Variants in AUTS2 observed in about 807,000 individuals in gnomAD.
AUTS2 encodes autism susceptibility gene 2 protein.
In AUTS2, 17 loss-of-function variants were observed where a neutral mutation model predicts 112.4. That is an observed-to-expected ratio of 0.15 (90% confidence interval 0.10 to 0.23). The LOEUF (loss-of-function observed/expected upper bound fraction) is 0.23, where lower values mean the gene tolerates loss of function less well. Ranked by LOEUF, AUTS2 falls within the 10% of genes least tolerant of loss-of-function variation. AUTS2 has a pLI of 1.00. For missense variants in AUTS2, 1,510 were observed against 1,701.6 expected, an observed-to-expected ratio of 0.89 and a Z score of 1.98; for synonymous variants, 751 against 702.7, an observed-to-expected ratio of 1.07 and a Z score of -1.09.
chr7:69,690,961 G>T (rs925499416), intron 1 of AUTS2, among the ~76,000 whole-genome samples: 2 of 151,620 alleles, frequency 1.3e-5, no homozygotes, highest in African/African-American at 2.4e-5. Flanking sequence ...TCCACAGCAG[G>T]TCATCCTGAC....
At chr7:70,785,059 C>T in intron 16 of AUTS2, 40 bp downstream of exon 16, 1 of 1,598,976 alleles carries the variant, frequency 6.3e-7, no homozygotes, top group Non-Finnish European at 8.6e-7. Context: ...ATGTGTGCTT[C>T]AGGCAACCCT....
chr7:70,462,670 AT>A (rs1220611597), intron 5 of AUTS2, among the ~76,000 whole-genome samples: 1 of 152,142 alleles, frequency 6.6e-6, no homozygotes, highest in African/African-American at 2.4e-5. Flanking sequence ...CTAAAAAAAA[AT>A]CTAGGCTGGG....
chr7:69,795,190 C>T (rs1038843293), intron 1 of AUTS2, among the ~76,000 whole-genome samples: 1 of 152,102 alleles, frequency 6.6e-6, no homozygotes, highest in African/African-American at 2.4e-5. Context: ...TTAATCATTG[C>T]AAGGAAAATG....
intron 1 of AUTS2, among the ~76,000 whole-genome samples, chr7:69,837,127 G>A (rs767587334): frequency 6.6e-6 from 1 of 152,068 alleles, no homozygotes; most frequent in South Asian, 2.1e-4. Context: ...ACTAAAGGGC[G>A]AGTCTTTGCC....
intron 2 of AUTS2, among the ~76,000 whole-genome samples, chr7:69,917,207 C>A (rs759391976): frequency 1.3e-5 from 2 of 151,638 alleles, no homozygotes; most frequent in Non-Finnish European, 2.9e-5. Flanking sequence ...TTCTTTCTTT[C>A]TTTAGAGATG....
chr7:70,627,771 A>C (rs1445840717), intron 5 of AUTS2, among the ~76,000 whole-genome samples: 1 of 152,370 alleles, frequency 6.6e-6, no homozygotes, highest in East Asian at 1.9e-4. Flanking sequence ...TTATTCATTT[A>C]CTAGATGTGC....
intron 5 of AUTS2, among the ~76,000 whole-genome samples, chr7:70,645,518 G>A (rs748603016): frequency 6.6e-6 from 1 of 152,000 alleles, no homozygotes; most frequent in Non-Finnish European, 1.5e-5. Flanking sequence ...TTCAGGAACC[G>A]TTTCACATTT....
At chr7:69,808,558 A>G (rs893167210) in intron 1 of AUTS2, among the ~76,000 whole-genome samples, 3 of 152,180 alleles carry the variant, frequency 2.0e-5, no homozygotes, top group Non-Finnish European at 2.9e-5. Flanking sequence ...ACTAAATCAT[A>G]TACTAGGTAA....
At chr7:70,207,926 G>A (rs993836739) in intron 4 of AUTS2, among the ~76,000 whole-genome samples, 4 of 146,766 alleles carry the variant, frequency 2.7e-5, no homozygotes, top group East Asian at 2.0e-4. Context: ...CAGGAGAATC[G>A]CTTGAACCCA....
At chr7:69,984,876 G>C (rs1353730069) in intron 2 of AUTS2, among the ~76,000 whole-genome samples, 1 of 152,192 alleles carries the variant, frequency 6.6e-6, no homozygotes. Context: ...GGCAACTTCT[G>C]TCATGTGCCA....
At chr7:69,869,527 CATAT>C (rs34759946) in intron 1 of AUTS2, among the ~76,000 whole-genome samples, 2 of 148,598 alleles carry the variant, frequency 1.3e-5, no homozygotes, top group Admixed American at 6.7e-5. Flanking sequence ...GGTCAAGGAT[CATAT>C]ATATATATAT....
At chr7:70,337,199 C>T (rs1791031910) in intron 4 of AUTS2, among the ~76,000 whole-genome samples, 1 of 152,206 alleles carries the variant, frequency 6.6e-6, no homozygotes, top group South Asian at 2.1e-4. Flanking sequence ...CTGCTCTTCA[C>T]TGAGCTGAGA....
At chr7:70,555,879 A>G (rs1216361956) in intron 5 of AUTS2, among the ~76,000 whole-genome samples, 2 of 150,198 alleles carry the variant, frequency 1.3e-5, no homozygotes, top group East Asian at 2.0e-4. Context: ...ATCTCGGCTC[A>G]CTGCAACCTC....
intron 4 of AUTS2, among the ~76,000 whole-genome samples, chr7:70,390,133 C>T (rs925501754): frequency 6.6e-6 from 1 of 152,260 alleles, no homozygotes; most frequent in Non-Finnish European, 1.5e-5. Context: ...TGGAACTCAC[C>T]AATGCACCGA....
intron 4 of AUTS2, among the ~76,000 whole-genome samples, chr7:70,337,122 G>C (rs1791025829): frequency 6.6e-6 from 1 of 152,114 alleles, no homozygotes; most frequent in African/African-American, 2.4e-5. Context: ...ATTAAAATTT[G>C]TAGGTCAAGC....
At chr7:70,394,765 T>G (rs1259590720) in intron 4 of AUTS2, among the ~76,000 whole-genome samples, 1 of 151,660 alleles carries the variant, frequency 6.6e-6, no homozygotes, top group African/African-American at 2.4e-5. Context: ...TCTAGAACCA[T>G]AGTGTTCCCC....
intron 5 of AUTS2, among the ~76,000 whole-genome samples, chr7:70,615,080 C>T (rs938254637): frequency 2.6e-5 from 4 of 152,224 alleles, no homozygotes; most frequent in African/African-American, 9.6e-5. Context: ...TGGCTGGCTA[C>T]ATTGAGGTTA....
intron 1 of AUTS2, among the ~76,000 whole-genome samples, chr7:69,884,881 G>A (rs1794205863): frequency 6.6e-6 from 1 of 152,216 alleles, no homozygotes; most frequent in Non-Finnish European, 1.5e-5. Context: ...AGCTTGAGGA[G>A]TTTATTTGGT....
intron 1 of AUTS2, among the ~76,000 whole-genome samples, chr7:69,655,638 G>A (rs1250247006): frequency 2.0e-5 from 3 of 152,164 alleles, no homozygotes; most frequent in Admixed American, 6.5e-5. Flanking sequence ...TTGGGGGAAG[G>A]GAAGTGGAGT....
Sources: allele counts gnomAD v4.1 joint callset (sites outside exome capture counted in the v4.1 genomes callset), GRCh38; gene constraint gnomAD v4.1.1; transcripts MANE v1.5; gene names NCBI Gene and HGNC (gene_info 2026-07-23, HGNC 2026-07-21).